SP100: variants seen among roughly 807,000 people sequenced by gnomAD.
The protein encoded by SP100 is nuclear autoantigen Sp-100.
Under a neutral mutation model 130.0 loss-of-function variants are expected in SP100, and 84 were observed. The ratio of observed to expected loss-of-function variants is 0.65; its 90% CI spans 0.54 to 0.77. The LOEUF (loss-of-function observed/expected upper bound fraction) is 0.77. Ranked by LOEUF, SP100 falls within the 30% of genes least tolerant of loss-of-function variation. The probability of loss-of-function intolerance (pLI) is 0.00; values close to 1 mark genes in which losing one functional copy is unlikely to be tolerated. For synonymous variants in SP100, 331 were observed against 351.7 expected (o/e 0.94, Z 0.66); for missense variants, 978 against 1,052.2 (o/e 0.93, Z 0.97).
At chr2:230,468,708 T>G in intron 13 of SP100, 1 of 170,306 alleles carries the variant, frequency 5.9e-6, no homozygotes, top group Non-Finnish European at 1.2e-5. Context: ...GTCCCAGTGA[T>G]GTGGGAGGCT....
chr2:230,439,550 TTTGTTGTTG>T (rs147214851), intron 2 of SP100, among the ~76,000 whole-genome samples: 5 of 151,446 alleles, frequency 3.3e-5, no homozygotes, highest in Admixed American at 1.3e-4. Flanking sequence ...TTTTTGGATT[TTTGTTGTTG>T]TTGTTGTTGT....
rs1692278293 is a variant in SP100, at chr2:230,545,471, T to TG, written c.*2527dup. On this transcript the variant is annotated 3_prime_UTR_variant, in exon 29 of 29. Transcript: ENST00000340126. Reference sequence around the variant, plus strand: ...GGAGAGGAGCAGAAAAAGTACCTATTGGTGATGAAGTACTCTGTACAACAA... The same window carrying TG: ...GGAGAGGAGCAGAAAAAGTACCTATTGGGTGATGAAGTACTCTGTACAACAA... Among the ~76,000 whole-genome samples, 1 of 152,120 alleles carries TG rather than the reference T, an allele frequency of 6.6e-6. No homozygotes were observed. The highest frequency in any genetic ancestry group is 2.1e-4 in the South Asian group (1 of 4,822).
chr2:230,435,877 GAGAA>G (rs1400632146), intron 2 of SP100, among the ~76,000 whole-genome samples: 1 of 150,098 alleles, frequency 6.7e-6, no homozygotes, highest in Non-Finnish European at 1.5e-5. Flanking sequence ...TTATAGACTA[GAGAA>G]AGAAAATGTG....
chr2:230,437,041 A>G (rs1177806802), intron 2 of SP100, among the ~76,000 whole-genome samples: 1 of 150,300 alleles, frequency 6.7e-6, no homozygotes, highest in East Asian at 1.9e-4. Context: ...TGGTAATGGT[A>G]GACATCCCCA....
At chr2:230,515,037 T>C in intron 24 of SP100, 4 of 1,599,498 alleles carry the variant, frequency 2.5e-6, no homozygotes, top group Non-Finnish European at 3.4e-6. Context: ...ACAAAGCAGA[T>C]CCTAAGAAGC....
intron 14 of SP100, 64 bp downstream of exon 14, chr2:230,469,160 C>G: frequency 2.0e-6 from 2 of 1,009,312 alleles, no homozygotes; most frequent in Non-Finnish European, 3.1e-6. Context: ...GCTACATTCA[C>G]TTTTTATGTT....
At chr2:230,431,951 G>T (rs182085981) in intron 2 of SP100, among the ~76,000 whole-genome samples, 231 of 152,180 alleles carry the variant, frequency 1.5e-3, no homozygotes, top group African/African-American at 5.3e-3. Flanking sequence ...ATTTTTAACA[G>T]AATTACAGAG....
intron 24 of SP100, chr2:230,516,166 C>A: frequency 1.6e-6 from 1 of 615,286 alleles, no homozygotes; most frequent in Non-Finnish European, 2.0e-6. Flanking sequence ...CAAAGCCAAT[C>A]TCAATCCCTC....
chr2:230,428,081 A>G (rs2062988593), intron 2 of SP100, among the ~76,000 whole-genome samples: 1 of 152,072 alleles, frequency 6.6e-6, no homozygotes, highest in Non-Finnish European at 1.5e-5. Flanking sequence ...AACTACAAAA[A>G]TTAGCCAGGC....
intron 18 of SP100, among the ~76,000 whole-genome samples, chr2:230,494,778 A>C (rs994159284): frequency 5.9e-5 from 9 of 152,230 alleles, no homozygotes; most frequent in Non-Finnish European, 1.5e-5. Context: ...AATTGACAAA[A>C]GAACCAGCCA....
At chr2:230,449,044 C>T in intron 5 of SP100, 44 bp from the exon 6 acceptor site, 2 of 1,250,750 alleles carry the variant, frequency 1.6e-6, no homozygotes, top group Non-Finnish European at 1.2e-6. Flanking sequence ...TGGCAAAATC[C>T]ATACCTCGAT....
At chr2:230,436,852 A>G (rs2063283901) in intron 2 of SP100, among the ~76,000 whole-genome samples, 1 of 81,278 alleles carries the variant, frequency 1.2e-5, no homozygotes, top group Admixed American at 1.1e-4. Flanking sequence ...AAATATGTAT[A>G]TGTGAACACA....
intron 17 of SP100, among the ~76,000 whole-genome samples, chr2:230,478,596 G>C (rs1379051210): frequency 6.6e-6 from 1 of 152,158 alleles, no homozygotes; most frequent in East Asian, 1.9e-4. Flanking sequence ...TTGTGGTGCA[G>C]AATGTCCTCT....
intron 8 of SP100, among the ~76,000 whole-genome samples, chr2:230,458,497 G>C (rs2064405355): frequency 6.6e-6 from 1 of 152,114 alleles, no homozygotes; most frequent in African/African-American, 2.4e-5. Flanking sequence ...GTTGTTGAAG[G>C]GTCAACTGTG....
intron 24 of SP100, among the ~76,000 whole-genome samples, chr2:230,535,961 C>G (rs866225772): frequency 9.4e-4 from 126 of 134,336 alleles, no homozygotes; most frequent in Middle Eastern, 4.2e-3. Flanking sequence ...TATAATGAGA[C>G]ACAGTTGGAG....
At chr2:230,463,997 G>C (rs2064802483) in intron 10 of SP100, 70 bp from the exon 11 acceptor site, 4 of 1,038,202 alleles carry the variant, frequency 3.9e-6, no homozygotes, top group Non-Finnish European at 6.0e-6. Flanking sequence ...TTCTTATTAG[G>C]GAATTTCCTA....
intron 13 of SP100, 42 bp downstream of exon 13, chr2:230,467,257 C>A: frequency 7.3e-7 from 1 of 1,373,424 alleles, no homozygotes; most frequent in Non-Finnish European, 1.0e-6. Flanking sequence ...GACTTCAGAG[C>A]ACCTCTTCCC....
At position 230,544,012 on chromosome 2, in the gene SP100, C is replaced by T. The variant is rs1317212390; in HGVS notation, c.*1066C>T. 6.6e-6 allele frequency: 1 copy of T among 151,834 alleles called. No homozygotes were observed. The highest frequency in any genetic ancestry group is 1.5e-5 in the Non-Finnish European group (1 of 67,982). 9.4% of individuals were successfully genotyped at this position (151,834 alleles called of 1,614,324 possible). On this transcript the variant is annotated 3_prime_UTR_variant, in exon 29 of 29. Coordinates refer to ENST00000340126, the MANE Select transcript of SP100 (RefSeq NM_001080391.2). ...AAGAGCACAGAATAAGACCACACTC[C>T]TATGACCATCTGATCGTCGATAAAA...
intron 8 of SP100, among the ~76,000 whole-genome samples, chr2:230,460,066 AT>A (rs1286735406): frequency 2.6e-5 from 4 of 152,180 alleles, no homozygotes; most frequent in Non-Finnish European, 5.9e-5. Context: ...GCCTTTATAT[AT>A]GCTTTTGGGA....
Sources: allele counts gnomAD v4.1 joint callset (sites outside exome capture counted in the v4.1 genomes callset), GRCh38; gene constraint gnomAD v4.1.1; transcripts MANE v1.5; gene names NCBI Gene and HGNC (gene_info 2026-07-23, HGNC 2026-07-21).